The following FANCI variants were observed in gnomAD, a reference collection of about 807,000 sequenced individuals.
FANCI encodes Fanconi anemia group I protein.
A neutral mutation model predicts 176.1 loss-of-function variants in FANCI; 156 were observed. That is an observed-to-expected ratio of 0.89 (90% CI 0.78 to 1.01). The LOEUF is 1.01. Ranked by LOEUF, FANCI falls within the 50% of genes least tolerant of loss-of-function variation. The pLI is 0.00. For missense variants in FANCI, 1,678 were observed against 1,534.1 expected, an observed-to-expected ratio of 1.09 and a Z score of -1.57; for synonymous variants, 613 against 541.7, an observed-to-expected ratio of 1.13 and a Z score of -1.83.
intron 14 of FANCI, 39 bp downstream of exon 14, chr15:89,278,813 T>A (rs1224117432): frequency 4.6e-6 from 7 of 1,531,166 alleles, no homozygotes; most frequent in Non-Finnish European, 6.3e-6. Flanking sequence ...TTTTTAGAAA[T>A]ATTTTCATTT....
At chr15:89,281,699 T>C (rs1465222378) in intron 15 of FANCI, 66 bp from the exon 16 acceptor site, 2 of 1,402,610 alleles carry the variant, frequency 1.4e-6, no homozygotes, top group African/African-American at 1.4e-5. Flanking sequence ...GTAACAGTAT[T>C]GGGTAGAAAT....
intron 24 of FANCI, among the ~76,000 whole-genome samples, chr15:89,296,928 C>G (rs1043315142): frequency 2.0e-5 from 3 of 149,226 alleles, no homozygotes; most frequent in Non-Finnish European, 4.5e-5. Context: ...GCTGACCCCC[C>G]CACCTCCCTC....
At position 89,305,695 on chromosome 15, in the gene FANCI, T is replaced by C. The variant is rs765925697; in HGVS notation, c.3346T>C (p.Ser1116Pro). ...GGGACAAGTGAGCCAAGAAACCTTA[T>C]CAGGTAAGATAAGTTCAACTGGGAT... ...LKGQVSQETL[S>P]EEASSQATLP... Residue 1116 changes from serine to proline, a missense_variant, in exon 31 of 38, where the codon TCA becomes CCA. Physicochemically the swap from Ser to Pro is moderately conservative, Grantham distance 74 (BLOSUM62 -1). Transcript: ENST00000310775. The C allele has an allele frequency of 1.9e-5, 30 of 1,613,916 alleles. No individual in the cohort carries two copies. The highest frequency in any genetic ancestry group is 2.5e-5 in the Non-Finnish European group (30 of 1,179,902).
At chr15:89,301,527 C>T in intron 27 of FANCI, 85 bp downstream of exon 27, 2 of 946,514 alleles carry the variant, frequency 2.1e-6, no homozygotes, top group Admixed American at 1.7e-5. Flanking sequence ...TCTAAATGTC[C>T]TCTTGAAATT....
At chr15:89,302,640 C>G (rs1388922504) in intron 27 of FANCI, among the ~76,000 whole-genome samples, 1 of 151,322 alleles carries the variant, frequency 6.6e-6, no homozygotes, top group African/African-American at 2.4e-5. Flanking sequence ...GTGGCGCCAT[C>G]TCAGCTCACT....
At chr15:89,296,259 T>C (rs10220871) in intron 24 of FANCI, among the ~76,000 whole-genome samples, 17,981 of 101,494 alleles carry the variant, frequency 0.18, 3,272 homozygotes, top group African/African-American at 0.48. Flanking sequence ...CCACTGCACC[T>C]GGCCCTTATT....
At chr15:89,274,060 G>A in intron 11 of FANCI, 108 bp from the exon 12 acceptor site, 2 of 842,800 alleles carry the variant, frequency 2.4e-6, no homozygotes, top group East Asian at 2.7e-5. Context: ...AAGATTTATA[G>A]CATGAGCTAT....
intron 37 of FANCI, 149 bp from the exon 38 acceptor site, chr15:89,316,248 C>T (rs2055250372): frequency 5.0e-6 from 4 of 799,890 alleles, no homozygotes; most frequent in South Asian, 4.7e-5. Context: ...TCTTCAACAA[C>T]ATAATTACCT....
At chr15:89,260,669 A>G (rs201000781) in intron 3 of FANCI, 44 bp from the exon 4 acceptor site, 77 of 1,610,268 alleles carry the variant, frequency 4.8e-5, no homozygotes, top group Non-Finnish European at 6.1e-5. Context: ...TTACCTGTCA[A>G]TGTTGTAAGA....
chr15:89,287,423 C>T (rs2151644932), intron 18 of FANCI, among the ~76,000 whole-genome samples: 1 of 152,314 alleles, frequency 6.6e-6, no homozygotes, highest in South Asian at 2.1e-4. Flanking sequence ...TAGGCTTTGA[C>T]TTAAGGGAAT....
chr15:89,268,300 G>C, intron 9 of FANCI, 99 bp from the exon 10 acceptor site: 1 of 1,278,964 alleles, frequency 7.8e-7, no homozygotes, highest in Non-Finnish European at 1.1e-6. Flanking sequence ...TGAACTCCTG[G>C]GATCAAGTGA....
At chr15:89,251,456 T>A (rs2052245705) in intron 2 of FANCI, among the ~76,000 whole-genome samples, 1 of 152,234 alleles carries the variant, frequency 6.6e-6, no homozygotes, top group South Asian at 2.1e-4. Context: ...TTCCAAGTTC[T>A]TTGAATGAAG....
intron 11 of FANCI, 21 bp downstream of exon 11, chr15:89,273,490 T>C: frequency 7.9e-7 from 1 of 1,268,640 alleles, no homozygotes; most frequent in Non-Finnish European, 1.1e-6. Flanking sequence ...AAAATGCCAT[T>C]TTGTTTCTTT....
intron 32 of FANCI, among the ~76,000 whole-genome samples, chr15:89,307,037 T>G (rs1222899730): frequency 6.6e-6 from 1 of 152,238 alleles, no homozygotes; most frequent in African/African-American, 2.4e-5. Context: ...ATGATCCATA[T>G]TAAATACTTA....
At chr15:89,303,143 A>G (rs1014352577) in intron 27 of FANCI, among the ~76,000 whole-genome samples, 1 of 152,216 alleles carries the variant, frequency 6.6e-6, no homozygotes, top group Admixed American at 6.5e-5. Context: ...TGAGCACGGT[A>G]TTCTGAAGAT....
chr15:89,278,628 G>A, intron 13 of FANCI, 59 bp from the exon 14 acceptor site: 1 of 1,269,384 alleles, frequency 7.9e-7, no homozygotes, highest in Non-Finnish European at 1.2e-6. Flanking sequence ...GACATGCATT[G>A]ATATACTTAA....
At chr15:89,289,586 A>G (rs2053978718) in intron 18 of FANCI, among the ~76,000 whole-genome samples, 3 of 152,078 alleles carry the variant, frequency 2.0e-5, no homozygotes, top group Admixed American at 1.3e-4. Context: ...GATTACAGGC[A>G]TGAGCCACCG....
chr15:89,276,539 A>G (rs1307765630), intron 12 of FANCI, among the ~76,000 whole-genome samples, 172 bp from the exon 13 acceptor site: 1 of 152,198 alleles, frequency 6.6e-6, no homozygotes, highest in Admixed American at 6.5e-5. Flanking sequence ...CCATTATGGT[A>G]CATTTAGGAA....
At chr15:89,294,833 A>G in intron 23 of FANCI, 82 bp from the exon 24 acceptor site, 4 of 1,443,730 alleles carry the variant, frequency 2.8e-6, no homozygotes, top group Non-Finnish European at 3.7e-6. Context: ...TGTTCTGAAC[A>G]ATTTCTAGAA....
Sources: allele counts gnomAD v4.1 joint callset (sites outside exome capture counted in the v4.1 genomes callset), GRCh38; gene constraint gnomAD v4.1.1; transcripts MANE v1.5; gene names NCBI Gene and HGNC (gene_info 2026-07-23, HGNC 2026-07-21).